Variants in CHD9 observed in about 807,000 individuals in gnomAD.
CHD9 encodes ATP-dependent chromatin remodeler CHD9.
In CHD9, 77 loss-of-function variants were observed where a neutral mutation model predicts 316.1. The ratio of observed to expected loss-of-function variants is 0.24; its 90% CI spans 0.20 to 0.29. The LOEUF is 0.29. CHD9 is among the 10% of genes least tolerant of loss of function. The probability of loss-of-function intolerance (pLI) is 1.00; values close to 1 mark genes in which losing one functional copy is unlikely to be tolerated. For missense variants in CHD9, 2,763 were observed against 3,438.1 expected, an observed-to-expected ratio of 0.80 and a Z score of 4.91; for synonymous variants, 1,129 against 1,158.3, an observed-to-expected ratio of 0.97 and a Z score of 0.51.
intron 25 of CHD9, among the ~76,000 whole-genome samples, 171 bp from the exon 26 acceptor site, chr16:53,286,055 G>A (rs2053845763): frequency 6.6e-6 from 1 of 152,100 alleles, no homozygotes; most frequent in Non-Finnish European, 1.5e-5. Flanking sequence ...TCTATTACCA[G>A]ATCATTTAAT....
chr16:53,152,022 G>A (rs778526662), intron 1 of CHD9, among the ~76,000 whole-genome samples: 5 of 151,936 alleles, frequency 3.3e-5, no homozygotes, highest in Admixed American at 6.6e-5. Context: ...ACATACACAC[G>A]TGTGTGTGCA....
In CHD9 at chr16:53,254,538, G is replaced by A; in HGVS notation, c.3962G>A (p.Ser1321Asn). 1 of 1,613,092 alleles carries A rather than the reference G, an allele frequency of 6.2e-7. No homozygotes were observed. Among genetic ancestry groups the A allele is most frequent in the African/African-American group, 1.3e-5 (1 of 75,048 alleles). Residue 1321 changes from serine to asparagine, a missense_variant, in exon 18 of 39, where the codon AGT becomes AAT. Physicochemically the swap from Ser to Asn is conservative, Grantham distance 46. Around this residue, in one of 15 missense-constraint regions of CHD9, gnomAD observed 199 missense variants for 251.7 expected, o/e 0.79. Coordinates refer to ENST00000447540, the MANE Select transcript of CHD9 (RefSeq NM_001308319.2). ...SYEREMFDRASLKLGLDKAVL... is the reference protein window; with the variant it reads ...SYEREMFDRANLKLGLDKAVL... The stretch of plus-strand genomic sequence containing the variant: ...GAGAGAGAGATGTTTGACCGAGCCA[G>A]TTTGAAACTGGGCCTAGATAAAGCT...
At chr16:53,112,516 A>G (rs2037943422) in intron 1 of CHD9, among the ~76,000 whole-genome samples, 1 of 152,346 alleles carries the variant, frequency 6.6e-6, no homozygotes, top group African/African-American at 2.4e-5. Flanking sequence ...GATATATGCC[A>G]AGCATGTGTC....
At position 53,288,399 on chromosome 16, in the gene CHD9, A is replaced by T. The variant is rs1165318845; in HGVS notation, c.5247+385A>T. On this transcript the variant is annotated intron_variant, in intron 27 of 38. Coordinates refer to ENST00000447540, the MANE Select transcript of CHD9 (RefSeq NM_001308319.2). ...AGAGGTTTGAGATAGAGGGTAGAGC[A>T]TCAAGGAATTCTGAGTTGCCAAAGC... is the stretch of plus-strand genomic sequence containing the variant. Among the ~76,000 whole-genome samples the T allele has an allele frequency of 2.0e-5, 3 of 152,250 alleles. No individual in the cohort carries two copies. The East Asian group carries it at 5.8e-4, about 29-fold the overall frequency.
chr16:53,080,929 ATGTC>A (rs900283809), intron 1 of CHD9, among the ~76,000 whole-genome samples: 5 of 152,100 alleles, frequency 3.3e-5, no homozygotes, highest in Non-Finnish European at 4.4e-5. Context: ...TCTTTCAGGG[ATGTC>A]TGTCTGGTTG....
intron 7 of CHD9, among the ~76,000 whole-genome samples, chr16:53,228,197 T>G (rs1597524501): frequency 6.6e-6 from 1 of 152,310 alleles, no homozygotes; most frequent in East Asian, 1.9e-4. Flanking sequence ...GCATTCATTG[T>G]ATTGTTGAAC....
intron 2 of CHD9, among the ~76,000 whole-genome samples, chr16:53,206,134 T>G (rs2045876018): frequency 6.6e-6 from 1 of 152,036 alleles, no homozygotes; most frequent in African/African-American, 2.4e-5. Flanking sequence ...GTATTTTTAG[T>G]AGAGGCGATT....
chr16:53,239,082 C>G (rs914263986), intron 12 of CHD9, among the ~76,000 whole-genome samples: 1 of 151,964 alleles, frequency 6.6e-6, no homozygotes, highest in Non-Finnish European at 1.5e-5. Flanking sequence ...TTTTGCTTAC[C>G]AAAACAGGTA....
chr16:53,121,495 C>G (rs1299695768), intron 1 of CHD9: 4 of 452,068 alleles, frequency 8.8e-6, no homozygotes, highest in African/African-American at 2.0e-5. Context: ...TAGGATCATG[C>G]TTTGAAGTAT....
rs545639622 is a variant in CHD9, at chr16:53,118,939, C to T, written c.-164-36987C>T. 2.3e-3 allele frequency among the ~76,000 whole-genome samples: 354 copies of T among 152,100 alleles called. 2 individuals carry two copies. The highest frequency in any genetic ancestry group is 8.1e-3 in the African/African-American group (335 of 41,512). Reference sequence around the variant, plus strand: ...TCCCGCGTAGCTGGGATTACAGGCACCCGCCACCATGCCTACTAACTTTTG... The same window carrying T: ...TCCCGCGTAGCTGGGATTACAGGCATCCGCCACCATGCCTACTAACTTTTG... On this transcript the variant is annotated intron_variant, in intron 1 of 38. Transcript: ENST00000447540.
chr16:53,139,719 C>T (rs1020419188), intron 1 of CHD9, among the ~76,000 whole-genome samples: 2 of 152,114 alleles, frequency 1.3e-5, no homozygotes, highest in Admixed American at 6.6e-5. Context: ...CATATTCTTT[C>T]GAAATCCTGT....
chr16:53,070,489 TTTCCTTCC>T lies in CHD9; in HGVS notation c.-165+15450_-165+15457del, dbSNP rs61654246. 7.4e-4 allele frequency among the ~76,000 whole-genome samples: 107 copies of T among 144,890 alleles called. 3 individuals are homozygous for T. In the East Asian group the frequency reaches 0.011, roughly 15 times the overall value. On this transcript the variant is annotated intron_variant, in intron 1 of 38. Transcript: ENST00000447540. ...TAGCATGTCTTTCTTTCTTTCTTTC[TTTCCTTCC>T]TTCCTTCCTTCCTTCCTTCCTTCCT...
intron 1 of CHD9, among the ~76,000 whole-genome samples, chr16:53,108,444 G>T (rs965654598): frequency 1.3e-5 from 2 of 152,132 alleles, no homozygotes; most frequent in Non-Finnish European, 2.9e-5. Flanking sequence ...GGTGGAGGCT[G>T]CAGTGAGCTA....
intron 29 of CHD9, among the ~76,000 whole-genome samples, chr16:53,295,339 C>G (rs2054680834): frequency 6.6e-6 from 1 of 152,174 alleles, no homozygotes; most frequent in Non-Finnish European, 1.5e-5. Flanking sequence ...GTTGGCCAGG[C>G]TTGTCTTGAA....
chr16:53,146,318 G>A (rs1378275042), intron 1 of CHD9, among the ~76,000 whole-genome samples: 4 of 146,152 alleles, frequency 2.7e-5, no homozygotes, highest in Non-Finnish European at 4.5e-5. Context: ...GCTTGAACCC[G>A]GGAGGCAGAG....
At chr16:53,119,969 T>TAATC (rs893583742) in intron 1 of CHD9, among the ~76,000 whole-genome samples, 3 of 152,066 alleles carry the variant, frequency 2.0e-5, no homozygotes, top group African/African-American at 7.2e-5. Flanking sequence ...CTCACACCTA[T>TAATC]AATCCTAGTG....
At chr16:53,303,094 A>G (rs1476652368) in intron 30 of CHD9, among the ~76,000 whole-genome samples, 3 of 152,000 alleles carry the variant, frequency 2.0e-5, no homozygotes, top group African/African-American at 7.3e-5. Flanking sequence ...ATGGAGTATC[A>G]CTTAACACAA....
Position 53,178,832 on chromosome 16 carries a change from T to A in CHD9, c.1452+21291T>A, listed in dbSNP as rs35773022. The stretch of plus-strand genomic sequence containing the variant: ...GTTTTCTTCAAAGCAAAGCTATATA[T>A]GTACTTGGGATTCTGGACTTTAAAT... On this transcript the variant is annotated intron_variant, in intron 2 of 38. Transcript: ENST00000447540. Among the ~76,000 whole-genome samples the A allele has an allele frequency of 2.6e-5, 4 of 152,162 alleles. No homozygotes were observed. The East Asian group carries it at 7.7e-4, about 29-fold the overall frequency.
At chr16:53,170,102 T>G (rs543353008) in intron 2 of CHD9, among the ~76,000 whole-genome samples, 1 of 151,856 alleles carries the variant, frequency 6.6e-6, no homozygotes, top group East Asian at 1.9e-4. Context: ...TGATAGCTAT[T>G]GGATCACATT....
Sources: allele counts gnomAD v4.1 joint callset (sites outside exome capture counted in the v4.1 genomes callset), GRCh38; gene constraint gnomAD v4.1.1; regional missense constraint gnomAD v4.1.1; transcripts MANE v1.5; gene names NCBI Gene and HGNC (gene_info 2026-07-23, HGNC 2026-07-21).